Variants in GREB1L observed in about 807,000 individuals in gnomAD.
GREB1L encodes the protein GREB1-like protein.
In GREB1L, 17 loss-of-function variants were observed where a neutral mutation model predicts 200.8. That is an observed-to-expected ratio of 0.08 (90% confidence interval 0.06 to 0.13). The LOEUF is 0.13. Among genes scored for constraint, GREB1L ranks in the 10% least tolerant of loss-of-function variants. GREB1L has a pLI of 1.00. For synonymous variants in GREB1L, 789 were observed against 893.0 expected (o/e 0.88, Z 2.08); for missense variants, 1,657 against 2,367.7 (o/e 0.70, Z 6.23).
At chr18:21,404,958 T>C (rs1325816929) in intron 7 of GREB1L, among the ~76,000 whole-genome samples, 3 of 152,348 alleles carry the variant, frequency 2.0e-5, no homozygotes, top group Non-Finnish European at 2.9e-5. Context: ...AATGTGAAAT[T>C]CTGATGAGCT....
At chr18:21,484,229 G>A (rs1372978377) in intron 17 of GREB1L, among the ~76,000 whole-genome samples, 2 of 148,540 alleles carry the variant, frequency 1.3e-5, no homozygotes, top group Non-Finnish European at 3.0e-5. Context: ...AGGCTGGAGT[G>A]CAGTGGCACA....
chr18:21,477,094 C>T (rs965947943), intron 16 of GREB1L, 70 bp from the exon 17 acceptor site: 1 of 986,666 alleles, frequency 1.0e-6, no homozygotes, highest in Non-Finnish European at 1.5e-6. Flanking sequence ...ACAGTATGTC[C>T]ATGTTAGTGT....
At chr18:21,391,206 GGTGTGTCATTTTTTATCTTTTATATC>G (rs2040788797) in intron 4 of GREB1L, among the ~76,000 whole-genome samples, 1 of 152,222 alleles carries the variant, frequency 6.6e-6, no homozygotes, top group Non-Finnish European at 1.5e-5. Flanking sequence ...GACTTATACA[GGTGTGTCATTTTTTATCTTTTATATC>G]GTATTTTCAC....
At position 21,516,685 on chromosome 18, in the gene GREB1L, C is replaced by T; in HGVS notation, c.5202C>T (p.Asn1734=). Residue 1734 remains asparagine, a synonymous_variant, in exon 30 of 33, where the codon AAC becomes AAT. Transcript: ENST00000424526. ...GCCTGCTCATCTGCCGCTTTAATAA[C>T]TTCAGTCTCATGAAGAAACATGTTC... The part of the protein sequence containing the change: ...SSGLLICRFN[N]FSLMKKHVQV... The T allele has an allele frequency of 6.4e-7, 1 of 1,551,402 alleles. No individual in the cohort carries two copies. Among genetic ancestry groups the T allele is most frequent in the African/African-American group, 1.4e-5 (1 of 73,166 alleles).
intron 1 of GREB1L, among the ~76,000 whole-genome samples, chr18:21,324,976 G>T (rs2039001025): frequency 6.6e-6 from 1 of 152,104 alleles, no homozygotes; most frequent in African/African-American, 2.4e-5. Flanking sequence ...TGTAGATTCT[G>T]GTAATTTAAT....
intron 7 of GREB1L, among the ~76,000 whole-genome samples, chr18:21,438,938 G>A (rs1241169654): frequency 3.5e-5 from 5 of 141,294 alleles, no homozygotes; most frequent in African/African-American, 1.3e-4. Context: ...TCCAGCCTGG[G>A]CGACAGAGTG....
chr18:21,424,168 T>C (rs751467243), intron 7 of GREB1L, among the ~76,000 whole-genome samples: 1 of 152,210 alleles, frequency 6.6e-6, no homozygotes, highest in Non-Finnish European at 1.5e-5. Context: ...CTACAATGTT[T>C]TTCTCTTATT....
intron 10 of GREB1L, among the ~76,000 whole-genome samples, chr18:21,443,564 T>C (rs897117278): frequency 3.3e-5 from 5 of 152,256 alleles, no homozygotes; most frequent in African/African-American, 1.2e-4. Flanking sequence ...GATCAGGGAC[T>C]TTATCAGAAA....
chr18:21,518,353 C>T, intron 31 of GREB1L, 119 bp downstream of exon 31: 1 of 935,336 alleles, frequency 1.1e-6, no homozygotes, highest in Non-Finnish European at 1.6e-6. Flanking sequence ...CAGTCTGGTC[C>T]TTTGCCAGAA....
chr18:21,430,028 C>T (rs1408413171), intron 7 of GREB1L, among the ~76,000 whole-genome samples: 2 of 152,138 alleles, frequency 1.3e-5, no homozygotes, highest in Non-Finnish European at 2.9e-5. Context: ...GTGGCCTTTC[C>T]TCTGTGTATG....
At chr18:21,269,678 G>C (rs1379994063) in intron 1 of GREB1L, among the ~76,000 whole-genome samples, 1 of 152,150 alleles carries the variant, frequency 6.6e-6, no homozygotes, top group Non-Finnish European at 1.5e-5. Context: ...GAAAAAAAAG[G>C]ATTGTTTAAG....
At chr18:21,445,071 A>T (rs1246297379) in intron 11 of GREB1L, among the ~76,000 whole-genome samples, 1 of 152,248 alleles carries the variant, frequency 6.6e-6, no homozygotes, top group Non-Finnish European at 1.5e-5. Context: ...ACAATACTAG[A>T]GTGGCTTAGC....
intron 1 of GREB1L, among the ~76,000 whole-genome samples, chr18:21,312,308 A>G (rs187466777): frequency 1.3e-5 from 2 of 152,254 alleles, no homozygotes; most frequent in East Asian, 3.9e-4. Flanking sequence ...TGTCTCTATG[A>G]TAGAATGATT....
Position 21,500,661 on chromosome 18 carries a change from G to T in GREB1L, c.4072+19G>T. 1 of 1,470,032 alleles carries T rather than the reference G, an allele frequency of 6.8e-7. No homozygotes were observed. The highest frequency in any genetic ancestry group is 1.9e-4 in the Middle Eastern group (1 of 5,178). 91.1% of individuals were successfully genotyped at this position (1,470,032 alleles called of 1,614,324 possible). A position where few individuals can be genotyped will look rare whatever the true frequency, so the allele number is the denominator to read the frequency against. ...AACACCGGTGAGTGCTGAGCCCAGG[G>T]AGTGGGCAGAGGGGCAAGAGACAAA... On this transcript the variant is annotated intron_variant, in intron 23 of 32. Coordinates refer to ENST00000424526, the MANE Select transcript of GREB1L (RefSeq NM_001142966.3).
At chr18:21,297,685 T>C (rs139790756) in intron 1 of GREB1L, among the ~76,000 whole-genome samples, 89 of 152,316 alleles carry the variant, frequency 5.8e-4, no homozygotes, top group African/African-American at 2.1e-3. Flanking sequence ...AGCACTTATA[T>C]ACCATTCCCA....
intron 1 of GREB1L, among the ~76,000 whole-genome samples, chr18:21,288,470 G>GA (rs972439127): frequency 6.6e-6 from 1 of 151,942 alleles, no homozygotes; most frequent in Non-Finnish European, 1.5e-5. Flanking sequence ...GCGCAGGTTC[G>GA]AAAAAATACC....
chr18:21,395,568 G>A lies in GREB1L; in HGVS notation c.532+7G>A, dbSNP rs1427357172. 6.5e-7 allele frequency: 1 copy of A among 1,527,532 alleles called. No homozygotes were observed. The highest frequency in any genetic ancestry group is 8.8e-7 in the Non-Finnish European group (1 of 1,135,424). 94.6% of individuals were successfully genotyped at this position (1,527,532 alleles called of 1,614,324 possible). A position where few individuals can be genotyped will look rare whatever the true frequency, so the allele number is the denominator to read the frequency against. Reference sequence around the variant, plus strand: ...GGAAAAAATGCACTTTTAGGTGAGTGTTTCATGCTTATAAAATTCCTTCCA... The same window carrying A: ...GGAAAAAATGCACTTTTAGGTGAGTATTTCATGCTTATAAAATTCCTTCCA... On this transcript the variant is annotated splice_region_variant and intron_variant, in intron 5 of 32. Transcript: ENST00000424526.
chr18:21,482,808 C>T (rs931094432), intron 17 of GREB1L, among the ~76,000 whole-genome samples: 9 of 152,224 alleles, frequency 5.9e-5, no homozygotes, highest in African/African-American at 2.2e-4. Context: ...TGGAGGGTCA[C>T]TGAAAGGGCA....
intron 25 of GREB1L, among the ~76,000 whole-genome samples, chr18:21,507,787 A>C (rs1240972120): frequency 1.3e-5 from 2 of 152,238 alleles, no homozygotes; most frequent in African/African-American, 4.8e-5. Flanking sequence ...GAATGCATAC[A>C]GAGCAGGACA....
Sources: allele counts gnomAD v4.1 joint callset (sites outside exome capture counted in the v4.1 genomes callset), GRCh38; gene constraint gnomAD v4.1.1; transcripts MANE v1.5; gene names NCBI Gene and HGNC (gene_info 2026-07-23, HGNC 2026-07-21).